NRG1: variants seen among roughly 807,000 people sequenced by gnomAD.
NRG1 encodes pro-neuregulin-1, membrane-bound isoform.
Under a neutral mutation model 63.8 loss-of-function variants are expected in NRG1, and 18 were observed. The observed-to-expected ratio is 0.28, with a 90% CI of 0.19 to 0.42. The LOEUF is 0.42. NRG1 is among the 10% of genes least tolerant of loss of function. The pLI is 1.00. For synonymous variants in NRG1, 302 were observed against 301.3 expected, an observed-to-expected ratio of 1.00 and a Z score of -0.02; for missense variants, 762 against 814.7, an observed-to-expected ratio of 0.94 and a Z score of 0.79.
intron 1 of NRG1, among the ~76,000 whole-genome samples, chr8:32,452,932 C>A (rs546561499): frequency 3.9e-5 from 6 of 152,266 alleles, no homozygotes; most frequent in Admixed American, 2.6e-4. Context: ...TTTCTTGAGA[C>A]AAAGAGGTCA....
At chr8:31,873,146 C>A (rs572581222) in intron 1 of NRG1, among the ~76,000 whole-genome samples, 1 of 152,014 alleles carries the variant, frequency 6.6e-6, no homozygotes, top group Non-Finnish European at 1.5e-5. Flanking sequence ...ATTAGAGACA[C>A]GAAATAAGTT....
chr8:32,734,095 G>A (rs1254171793), intron 6 of NRG1, among the ~76,000 whole-genome samples: 1 of 152,194 alleles, frequency 6.6e-6, no homozygotes, highest in African/African-American at 2.4e-5. Flanking sequence ...CAGAAGAGTG[G>A]CACCATAGAC....
chr8:32,054,661 A>G (rs1156594143), intron 1 of NRG1, among the ~76,000 whole-genome samples: 1 of 151,994 alleles, frequency 6.6e-6, no homozygotes, highest in Non-Finnish European at 1.5e-5. Flanking sequence ...TGTTTTATAG[A>G]TCAGTTCTAC....
intron 1 of NRG1, among the ~76,000 whole-genome samples, chr8:32,508,264 G>T (rs1472449418): frequency 4.1e-5 from 6 of 147,970 alleles, no homozygotes; most frequent in Non-Finnish European, 9.0e-5. Context: ...AATATGTTCT[G>T]CTGTAAACAT....
intron 1 of NRG1, among the ~76,000 whole-genome samples, chr8:31,789,544 C>T (rs758400653): frequency 2.6e-5 from 4 of 152,140 alleles, no homozygotes; most frequent in Non-Finnish European, 4.4e-5. Flanking sequence ...CAATATTAGC[C>T]AAAAAATGAT....
At chr8:32,448,723 A>G (rs927948037) in intron 1 of NRG1, among the ~76,000 whole-genome samples, 1 of 152,100 alleles carries the variant, frequency 6.6e-6, no homozygotes, top group Non-Finnish European at 1.5e-5. Context: ...CTTTTATGGT[A>G]GAGGTTCCTC....
chr8:32,402,369 C>G (rs1011195097), intron 1 of NRG1, among the ~76,000 whole-genome samples: 1 of 151,984 alleles, frequency 6.6e-6, no homozygotes, highest in Admixed American at 6.6e-5. Context: ...TGATTCGTGG[C>G]TTTGATTTCT....
Position 32,605,558 on chromosome 8 carries a change from A to G in NRG1, c.279-4A>G, listed in dbSNP as rs564363302. On this transcript the variant is annotated splice_region_variant and splice_polypyrimidine_tract_variant and intron_variant, in intron 2 of 11. Transcript: ENST00000356819. ...CTGACACCACTTTGGTCCTGATCTT[A>G]TAGGAAGTCAGAACTTCGCATTAAC... 6.2e-6 allele frequency: 10 copies of G among 1,613,118 alleles called. No homozygotes were observed. The East Asian group carries it at 1.8e-4, about 29-fold the overall frequency.
intron 1 of NRG1, among the ~76,000 whole-genome samples, chr8:32,502,658 C>T (rs1182660126): frequency 3.3e-5 from 5 of 151,484 alleles, no homozygotes; most frequent in African/African-American, 7.3e-5. Context: ...GGATAAAAGT[C>T]ACTGTCATTT....
At chr8:32,456,066 T>A (rs1821558462) in intron 1 of NRG1, among the ~76,000 whole-genome samples, 1 of 152,326 alleles carries the variant, frequency 6.6e-6, no homozygotes. Flanking sequence ...TTATGACTAA[T>A]GCTGTTCTTT....
intron 1 of NRG1, among the ~76,000 whole-genome samples, chr8:32,051,155 A>T (rs955825656): frequency 6.6e-6 from 1 of 151,668 alleles, no homozygotes; most frequent in African/African-American, 2.4e-5. Flanking sequence ...TTTGTTTCTC[A>T]TTTTTTTTAA....
intron 5 of NRG1, among the ~76,000 whole-genome samples, chr8:32,657,274 C>T (rs918828165): frequency 4.0e-5 from 6 of 151,610 alleles, no homozygotes; most frequent in Non-Finnish European, 7.4e-5. Flanking sequence ...TTGTTTCCCC[C>T]GTTTACCTTC....
chr8:31,928,230 G>A (rs1346125898), intron 1 of NRG1, among the ~76,000 whole-genome samples: 1 of 151,458 alleles, frequency 6.6e-6, no homozygotes, highest in African/African-American at 2.4e-5. Context: ...TGAAAGTGCT[G>A]TTGGCCATCA....
At chr8:32,178,365 T>C (rs1352728284) in intron 1 of NRG1, among the ~76,000 whole-genome samples, 3 of 152,136 alleles carry the variant, frequency 2.0e-5, no homozygotes, top group Admixed American at 6.5e-5. Flanking sequence ...ATCCAAGCAC[T>C]TTGGGAGGCT....
intron 6 of NRG1, among the ~76,000 whole-genome samples, chr8:32,733,385 CAT>C (rs1465192709): frequency 6.6e-6 from 1 of 151,958 alleles, no homozygotes; most frequent in Non-Finnish European, 1.5e-5. Context: ...GTATGAAAAA[CAT>C]AACTATGGGA....
chr8:32,204,774 T>C (rs988738250), intron 1 of NRG1, among the ~76,000 whole-genome samples: 15 of 152,318 alleles, frequency 9.8e-5, no homozygotes, highest in African/African-American at 3.6e-4. Context: ...TTTTTGTCTT[T>C]TGGGTTTCTT....
chr8:32,519,851 C>A (rs562922939), intron 1 of NRG1, among the ~76,000 whole-genome samples: 20 of 152,130 alleles, frequency 1.3e-4, no homozygotes, highest in African/African-American at 4.3e-4. Context: ...ATCTCTATAC[C>A]CTTCTTTGTG....
chr8:32,647,016 A>G, intron 5 of NRG1: 1 of 985,144 alleles, frequency 1.0e-6, no homozygotes, highest in South Asian at 4.7e-5. Context: ...AGCACTCAAG[A>G]AGGACAAAGA....
intron 1 of NRG1, among the ~76,000 whole-genome samples, chr8:31,895,027 TA>T (rs1186156687): frequency 6.6e-6 from 1 of 152,360 alleles, no homozygotes; most frequent in Admixed American, 6.5e-5. Context: ...AAATATTCTT[TA>T]AACCATGTCT....
Sources: gnomAD v4.1 joint callset for allele counts (sites outside exome capture counted in the v4.1 genomes callset) on GRCh38, gnomAD v4.1.1 for gene constraint, MANE v1.5 for transcripts, NCBI Gene and HGNC (gene_info 2026-07-23, HGNC 2026-07-21) for gene names.